SLC22A4: variants seen among roughly 807,000 people sequenced by gnomAD.
SLC22A4 encodes the protein solute carrier family 22 member 4, also known as ET transporter.
A neutral mutation model predicts 56.6 loss-of-function variants in SLC22A4; 39 were observed. The observed-to-expected ratio is 0.69, with a 90% CI of 0.53 to 0.90. The LOEUF (loss-of-function observed/expected upper bound fraction) is 0.90, where lower values mean the gene tolerates loss of function less well. SLC22A4 is among the 40% of genes least tolerant of loss of function. The probability of loss-of-function intolerance (pLI) is 0.00; values close to 1 mark genes in which losing one functional copy is unlikely to be tolerated. For synonymous variants in SLC22A4, 241 were observed against 281.4 expected, an observed-to-expected ratio of 0.86 and a Z score of 1.44; for missense variants, 594 against 696.5, an observed-to-expected ratio of 0.85 and a Z score of 1.66.
chr5:132,331,190 A>C (rs1208856492), intron 5 of SLC22A4, among the ~76,000 whole-genome samples: 1 of 152,152 alleles, frequency 6.6e-6, no homozygotes, highest in African/African-American at 2.4e-5. Flanking sequence ...AAAATTAGCC[A>C]GATGCGGTGG....
intron 4 of SLC22A4, chr5:132,324,561 G>A (rs757347102): frequency 3.3e-4 from 154 of 471,058 alleles, no homozygotes; most frequent in Non-Finnish European, 4.8e-4. Flanking sequence ...CAAGCTGAGT[G>A]CTCCCCCTGA....
Position 132,340,663 on chromosome 5 carries a change from C to G in SLC22A4, c.1543C>G (p.Leu515Val). 6.2e-7 allele frequency: 1 copy of G among 1,613,992 alleles called. No individual in the cohort carries two copies. The highest frequency in any genetic ancestry group is 8.5e-7 in the Non-Finnish European group (1 of 1,179,924). ...LFFPESLGMT[L>V]PETLEQMQKV... ...TTTCCCTGAAAGTTTGGGAATGACT[C>G]TTCCAGAAACCTTAGAGCAGATGCA... Residue 515 changes from leucine to valine, a missense_variant, in exon 9 of 10, where the codon CTT (leucine) becomes GTT (valine). Leu to Val is a conservative substitution (Grantham distance 32, BLOSUM62 1). Coordinates refer to ENST00000200652, the MANE Select transcript of SLC22A4 (RefSeq NM_003059.3).
intron 7 of SLC22A4, 130 bp downstream of exon 7, chr5:132,335,062 G>A (rs1750980875): frequency 4.1e-6 from 3 of 732,720 alleles, no homozygotes; most frequent in Non-Finnish European, 7.4e-6. Flanking sequence ...TTAGACAGGT[G>A]ATTGCTCACT....
chr5:132,341,978 A>C (rs1291828277), intron 9 of SLC22A4, among the ~76,000 whole-genome samples: 1 of 152,172 alleles, frequency 6.6e-6, no homozygotes, highest in Non-Finnish European at 1.5e-5. Flanking sequence ...TAAAATCCAG[A>C]CAGTTAAAAA....
At chr5:132,311,982 C>A in intron 1 of SLC22A4, 179 bp from the exon 2 acceptor site, 1 of 682,434 alleles carries the variant, frequency 1.5e-6, no homozygotes. Flanking sequence ...TCTCCCCAGT[C>A]CCGGCACAGG....
In SLC22A4 at chr5:132,294,422, G is replaced by C. The variant is rs1201455714; in HGVS notation, c.-195G>C. ...TGTACAGTGGCATCAAGCTCAGCGCGAGCTCCCGGGAACGCTCCAACGCCT... is the reference window on the plus strand; with the variant it reads ...TGTACAGTGGCATCAAGCTCAGCGCCAGCTCCCGGGAACGCTCCAACGCCT... On this transcript the variant is annotated 5_prime_UTR_variant, in exon 1 of 10. Transcript: ENST00000200652. This position sits in a 1 kb window ranked among gnomAD's most constrained non-coding sequence, Gnocchi z 5.6. The C allele has an allele frequency of 4.4e-6, 3 of 687,700 alleles. No individual in the cohort carries two copies. The African/African-American group carries it at 5.4e-5, about 12-fold the overall frequency. 42.6% of individuals were successfully genotyped at this position (687,700 alleles called of 1,614,324 possible). A position where few individuals can be genotyped will look rare whatever the true frequency, so the allele number is the denominator to read the frequency against.
At chr5:132,306,946 A>G (rs1750055637) in intron 1 of SLC22A4, among the ~76,000 whole-genome samples, 1 of 152,186 alleles carries the variant, frequency 6.6e-6, no homozygotes, top group South Asian at 2.1e-4. Context: ...TCCAGGGGCT[A>G]GAGGAAGTAG....
intron 2 of SLC22A4, among the ~76,000 whole-genome samples, chr5:132,313,000 TAAAAC>T (rs985031114): frequency 8.5e-4 from 130 of 152,296 alleles, no homozygotes; most frequent in African/African-American, 2.9e-3. Context: ...AGATAATACT[TAAAAC>T]AACTTCAGTG....
intron 5 of SLC22A4, among the ~76,000 whole-genome samples, chr5:132,328,924 TATATATAC>T (rs1750773743): frequency 4.5e-5 from 1 of 22,330 alleles, no homozygotes; most frequent in African/African-American, 3.5e-4. Flanking sequence ...TATATATATA[TATATATAC>T]ACACACACAC....
rs1750828031 is a variant in SLC22A4, at chr5:132,330,606, AT to A, written c.952-1149del. On this transcript the variant is annotated intron_variant, in intron 5 of 9. Transcript: ENST00000200652. The stretch of plus-strand genomic sequence containing the variant: ...CCAGGTGTGGTGGCAGGTGCCTGTA[AT>A]CCCAGCTACTCAGGAGGCTGAGGCA... Among the ~76,000 whole-genome samples the A allele has an allele frequency of 2.0e-5, 3 of 152,198 alleles. No homozygotes were observed. In the East Asian group the frequency reaches 5.8e-4, roughly 29 times the overall value.
intron 3 of SLC22A4, among the ~76,000 whole-genome samples, chr5:132,317,236 A>G (rs1047190104): frequency 6.6e-6 from 1 of 152,254 alleles, no homozygotes; most frequent in African/African-American, 2.4e-5. Flanking sequence ...TCACACTTTT[A>G]AAGTGTATAA....
chr5:132,327,213 C>G, intron 4 of SLC22A4, 64 bp from the exon 5 acceptor site: 1 of 1,275,466 alleles, frequency 7.8e-7, no homozygotes, highest in Non-Finnish European at 1.1e-6. Context: ...GGGGGAAACT[C>G]AGATTTAATA....
chr5:132,303,482 T>C (rs74615776), intron 1 of SLC22A4, among the ~76,000 whole-genome samples: 3,305 of 152,192 alleles, frequency 0.022, 123 homozygotes, highest in African/African-American at 0.076. Flanking sequence ...TAGGTGGGTA[T>C]GGCCAAGAAA....
intron 5 of SLC22A4, 86 bp downstream of exon 5, chr5:132,327,489 G>A: frequency 1.7e-6 from 2 of 1,152,918 alleles, no homozygotes; most frequent in Admixed American, 3.4e-5. Flanking sequence ...TTTGTTAAGT[G>A]CCCACTATGT....
At position 132,313,770 on chromosome 5, in the gene SLC22A4, T is replaced by C; in HGVS notation, c.652+2T>C. Reference sequence around the variant, plus strand: ...ACTATGTGGTAGCCTTCATACTAGGTAGGAATGGCTTCTGGGACATGGGGT... The same window carrying C: ...ACTATGTGGTAGCCTTCATACTAGGCAGGAATGGCTTCTGGGACATGGGGT... On this transcript the variant is annotated splice_donor_variant, in intron 3 of 9. Transcript: ENST00000200652. LOFTEE classifies it high-confidence loss of function. 1 of 1,613,940 alleles carries C rather than the reference T, an allele frequency of 6.2e-7. No homozygotes were observed. The highest frequency in any genetic ancestry group is 8.5e-7 in the Non-Finnish European group (1 of 1,179,822).
chr5:132,325,721 G>A (rs1750668932), intron 4 of SLC22A4, among the ~76,000 whole-genome samples: 1 of 152,036 alleles, frequency 6.6e-6, no homozygotes, highest in Non-Finnish European at 1.5e-5. Flanking sequence ...TAAGCCCATT[G>A]TAAATTGAGA....
chr5:132,317,264 T>C (rs1449252044), intron 3 of SLC22A4, among the ~76,000 whole-genome samples: 1 of 152,202 alleles, frequency 6.6e-6, no homozygotes, highest in Non-Finnish European at 1.5e-5. Context: ...GTGTTTAGCA[T>C]ATTCACAAAG....
intron 6 of SLC22A4, among the ~76,000 whole-genome samples, chr5:132,332,753 CA>C (rs968054971): frequency 5.3e-5 from 8 of 151,864 alleles, no homozygotes; most frequent in Admixed American, 2.0e-4. Flanking sequence ...CACACACACA[CA>C]CACACACACA....
At position 132,343,993 on chromosome 5, in the gene SLC22A4, C is replaced by T. The variant is rs963536324; in HGVS notation, c.*158C>T. 7 of 602,386 alleles carry T rather than the reference C, an allele frequency of 1.2e-5. No individual in the cohort carries two copies. Among genetic ancestry groups the T allele is most frequent in the Middle Eastern group, 2.8e-4 (1 of 3,634 alleles). 37.3% of individuals were successfully genotyped at this position (602,386 alleles called of 1,614,324 possible). A position where few individuals can be genotyped will look rare whatever the true frequency, so the allele number is the denominator to read the frequency against. ...GTCATACAGTAAACTCTGGATGATT[C>T]TTCCAGATAATGTCCTTGCTTTACA... On this transcript the variant is annotated 3_prime_UTR_variant, in exon 10 of 10. Transcript: ENST00000200652.
Sources: gnomAD v4.1 joint callset for allele counts (sites outside exome capture counted in the v4.1 genomes callset) on GRCh38, gnomAD v4.1.1 for gene constraint, Gnocchi (gnomAD v3.1) non-coding constraint, MANE v1.5 for transcripts, NCBI Gene and HGNC (gene_info 2026-07-23, HGNC 2026-07-21) for gene names.